CSMD2: variants seen among roughly 807,000 people sequenced by gnomAD.
CSMD2 encodes CUB and Sushi multiple domains 2.
Under a neutral mutation model 398.5 loss-of-function variants are expected in CSMD2, and 130 were observed. That is an observed-to-expected ratio of 0.33 (90% CI 0.28 to 0.38). The LOEUF is 0.38. Ranked by LOEUF, CSMD2 falls within the 10% of genes least tolerant of loss-of-function variation. The probability of loss-of-function intolerance (pLI) is 1.00; values close to 1 mark genes in which losing one functional copy is unlikely to be tolerated. For missense variants in CSMD2, 3,829 were observed against 4,764.9 expected (o/e 0.80, Z 5.78); for synonymous variants, 1,828 against 1,908.5 (o/e 0.96, Z 1.10).
Position 33,624,950 on chromosome 1 carries a change from C to T in CSMD2, c.5500+101G>A. 1 of 1,220,554 alleles carries T rather than the reference C, an allele frequency of 8.2e-7. No individual in the cohort carries two copies. Among genetic ancestry groups the T allele is most frequent in the Non-Finnish European group, 1.2e-6 (1 of 839,844 alleles). The allele number at this position is 1,220,554 out of a possible 1,614,324, so 75.6% of individuals were successfully genotyped here. ...TCAGCCATGCGGTGGGAAGCGGCTGCTGTGTGTCGTGGGGCATCACTGGGG... is the reference window on the plus strand; with the variant it reads ...TCAGCCATGCGGTGGGAAGCGGCTGTTGTGTGTCGTGGGGCATCACTGGGG... On this transcript the variant is annotated intron_variant, in intron 34 of 70. Coordinates refer to ENST00000373381, the MANE Select transcript of CSMD2 (RefSeq NM_001281956.2). The surrounding 1 kb of genome is among the most constrained non-coding windows in gnomAD (Gnocchi z 4.7).
At chr1:33,524,804 A>G (rs1340536972) in intron 66 of CSMD2, 78 bp downstream of exon 66, 3 of 1,426,978 alleles carry the variant, frequency 2.1e-6, no homozygotes, top group African/African-American at 2.8e-5. Flanking sequence ...AGTATGATGC[A>G]ATGCCATTAG....
At chr1:33,941,906 A>G (rs554682873) in intron 3 of CSMD2, among the ~76,000 whole-genome samples, 4 of 152,180 alleles carry the variant, frequency 2.6e-5, no homozygotes, top group Admixed American at 2.0e-4. Context: ...TATACTACAA[A>G]TGATATGTAT....
At chr1:33,521,350 A>G in intron 68 of CSMD2, 113 bp downstream of exon 68, 1 of 744,490 alleles carries the variant, frequency 1.3e-6, no homozygotes, top group Non-Finnish European at 2.4e-6. Context: ...AAGAGGCCAA[A>G]GCACCCCCGC....
In CSMD2 at chr1:33,518,443, T is replaced by C. The variant is rs1412626353; in HGVS notation, c.*53+1022A>G. ...TACACGTGTGGGTGTGTCTGCCCCCTGTCTATATTTCCGGGAGCTCCTCCC... is the reference window on the plus strand; with the variant it reads ...TACACGTGTGGGTGTGTCTGCCCCCCGTCTATATTTCCGGGAGCTCCTCCC... On this transcript the variant is annotated intron_variant, in intron 70 of 70. Transcript: ENST00000373381. This position sits in a 1 kb window ranked among gnomAD's most constrained non-coding sequence, Gnocchi z 4.3. Among the ~76,000 whole-genome samples, 1 of 151,614 alleles carries C rather than the reference T, an allele frequency of 6.6e-6. No individual in the cohort carries two copies. The highest frequency in any genetic ancestry group is 2.1e-4 in the East Asian group (1 of 4,776).
chr1:33,844,052 C>A (rs1661120564), intron 6 of CSMD2, among the ~76,000 whole-genome samples: 1 of 152,240 alleles, frequency 6.6e-6, no homozygotes, highest in Admixed American at 6.5e-5. Flanking sequence ...CTTCACTAAA[C>A]CCTCTACCGT....
intron 5 of CSMD2, among the ~76,000 whole-genome samples, chr1:33,908,290 AG>A (rs893920194): frequency 6.6e-6 from 1 of 152,146 alleles, no homozygotes; most frequent in African/African-American, 2.4e-5. Context: ...AGAGACCAGG[AG>A]GGGGCCTTGA....
Position 33,965,528 on chromosome 1 carries a change from G to T in CSMD2, c.518-29574C>A, listed in dbSNP as rs150621551. Reference sequence around the variant, plus strand: ...GGATGCCCTTGTGCCTCGGCTTGATGCTGGGTGCTATCAGGAAGTGCTCCA... The same window carrying T: ...GGATGCCCTTGTGCCTCGGCTTGATTCTGGGTGCTATCAGGAAGTGCTCCA... On this transcript the variant is annotated intron_variant, in intron 3 of 70. Coordinates refer to ENST00000373381, the MANE Select transcript of CSMD2 (RefSeq NM_001281956.2). Among the ~76,000 whole-genome samples, 242 of 152,262 alleles carry T rather than the reference G, an allele frequency of 1.6e-3. 1 individual carries two copies. Among genetic ancestry groups the T allele is most frequent in the African/African-American group, 5.5e-3 (227 of 41,530 alleles).
intron 3 of CSMD2, among the ~76,000 whole-genome samples, chr1:33,972,428 T>G (rs1645805049): frequency 6.6e-6 from 1 of 152,190 alleles, no homozygotes; most frequent in Non-Finnish European, 1.5e-5. Flanking sequence ...GGAAATATGC[T>G]GCTTTACATG....
At chr1:33,837,703 A>G (rs1173900779) in intron 6 of CSMD2, among the ~76,000 whole-genome samples, 1 of 152,250 alleles carries the variant, frequency 6.6e-6, no homozygotes, top group Non-Finnish European at 1.5e-5. Flanking sequence ...GAAGTCATAC[A>G]CATCATACAT....
intron 13 of CSMD2, among the ~76,000 whole-genome samples, chr1:33,746,081 T>A: frequency 1.3e-5 from 2 of 152,184 alleles, no homozygotes; most frequent in South Asian, 4.2e-4. Flanking sequence ...AGAATAACAC[T>A]TCCCCCTGGG....
At chr1:33,659,786 T>C (rs1344466426) in intron 26 of CSMD2, among the ~76,000 whole-genome samples, 1 of 152,220 alleles carries the variant, frequency 6.6e-6, no homozygotes, top group Non-Finnish European at 1.5e-5. Context: ...CACAATCTGA[T>C]ACCTTCTACT....
At chr1:33,759,610 C>T (rs574211844) in intron 13 of CSMD2, among the ~76,000 whole-genome samples, 24 of 151,958 alleles carry the variant, frequency 1.6e-4, no homozygotes, top group African/African-American at 5.1e-4. Context: ...CAGGCATGAG[C>T]GACTGTGCCC....
intron 51 of CSMD2, among the ~76,000 whole-genome samples, chr1:33,569,960 C>T (rs1490665004): frequency 1.3e-5 from 2 of 152,188 alleles, no homozygotes; most frequent in African/African-American, 4.8e-5. Flanking sequence ...GCCTCACACT[C>T]TTTGTCAACA....
chr1:33,632,196 T>A (rs1448012997), intron 32 of CSMD2, among the ~76,000 whole-genome samples: 8 of 151,778 alleles, frequency 5.3e-5, no homozygotes, highest in Non-Finnish European at 1.2e-4. Flanking sequence ...AACTAAGAAG[T>A]GAAAGAAAAC....
At chr1:34,146,709 G>A (rs1012403231) in intron 1 of CSMD2, among the ~76,000 whole-genome samples, 1 of 152,198 alleles carries the variant, frequency 6.6e-6, no homozygotes, top group African/African-American at 2.4e-5. Flanking sequence ...ATGAGTCCCA[G>A]GTTTCTGGCT....
intron 2 of CSMD2, among the ~76,000 whole-genome samples, chr1:34,074,373 A>G (rs1049247494): frequency 6.6e-6 from 1 of 152,202 alleles, no homozygotes; most frequent in Non-Finnish European, 1.5e-5. Context: ...CAGGGCATAC[A>G]GGGTCCCTGG....
intron 55 of CSMD2, among the ~76,000 whole-genome samples, chr1:33,554,029 GT>G (rs1197719586): frequency 2.0e-5 from 3 of 152,044 alleles, no homozygotes; most frequent in African/African-American, 7.2e-5. Context: ...GGCTTATGAC[GT>G]TTAAGGAAAG....
intron 1 of CSMD2, among the ~76,000 whole-genome samples, chr1:34,099,044 T>C (rs572898692): frequency 1.3e-5 from 2 of 152,278 alleles, no homozygotes; most frequent in South Asian, 4.1e-4. Flanking sequence ...AACAAATTAG[T>C]TCACAAAAGA....
chr1:33,963,255 T>C lies in CSMD2; in HGVS notation c.518-27301A>G, dbSNP rs866072940. Reference sequence around the variant, plus strand: ...CTCACTGCATCTGCTCTTCTGCACCTTGACAGCCCATTGGAATCTCTGAGG... The same window carrying C: ...CTCACTGCATCTGCTCTTCTGCACCCTGACAGCCCATTGGAATCTCTGAGG... On this transcript the variant is annotated intron_variant, in intron 3 of 70. Coordinates refer to ENST00000373381, the MANE Select transcript of CSMD2 (RefSeq NM_001281956.2). Among the ~76,000 whole-genome samples, 4 of 152,216 alleles carry C rather than the reference T, an allele frequency of 2.6e-5. 1 individual carries two copies. Among genetic ancestry groups the C allele is most frequent in the Non-Finnish European group, 4.4e-5 (3 of 68,040 alleles).
Sources: gnomAD v4.1 joint callset for allele counts (sites outside exome capture counted in the v4.1 genomes callset) on GRCh38, gnomAD v4.1.1 for gene constraint, Gnocchi (gnomAD v3.1) non-coding constraint, MANE v1.5 for transcripts, NCBI Gene and HGNC (gene_info 2026-07-23, HGNC 2026-07-21) for gene names.